ERCC6L2: variants seen among roughly 807,000 people sequenced by gnomAD.
ERCC6L2 encodes DNA excision repair protein ERCC-6-like 2.
In ERCC6L2, 77 loss-of-function variants were observed where a neutral mutation model predicts 132.0. The ratio of observed to expected loss-of-function variants is 0.58; its 90% CI spans 0.49 to 0.71. ERCC6L2 has a LOEUF of 0.71. Among genes scored for constraint, ERCC6L2 ranks in the 30% least tolerant of loss-of-function variants. The probability of loss-of-function intolerance (pLI) is 0.00; values close to 1 mark genes in which losing one functional copy is unlikely to be tolerated. For synonymous variants in ERCC6L2, 583 were observed against 632.4 expected (o/e 0.92, Z 1.17); for missense variants, 1,542 against 1,837.6 (o/e 0.84, Z 2.94).
chr9:95,970,073 G>A (rs1587998769), intron 14 of ERCC6L2, among the ~76,000 whole-genome samples: 1 of 152,020 alleles, frequency 6.6e-6, no homozygotes, highest in Non-Finnish European at 1.5e-5. Context: ...ATATTAGGGT[G>A]GACCTTTTCA....
In ERCC6L2 at chr9:95,886,615, A is replaced by G. The variant is rs377026117; in HGVS notation, c.471+5322A>G. On this transcript the variant is annotated intron_variant, in intron 2 of 18. Transcript: ENST00000653738. Reference sequence around the variant, plus strand: ...CATTTGTTCAATTGGTTGACATTTGATAAGTACTCACTCTGGGCCAGGCAC... The same window carrying G: ...CATTTGTTCAATTGGTTGACATTTGGTAAGTACTCACTCTGGGCCAGGCAC... 3.3e-5 allele frequency among the ~76,000 whole-genome samples: 5 copies of G among 152,318 alleles called. No individual in the cohort carries two copies. In the South Asian group the frequency reaches 8.3e-4, roughly 25 times the overall value.
At chr9:95,886,052 G>A (rs774145583) in intron 2 of ERCC6L2, among the ~76,000 whole-genome samples, 3 of 152,072 alleles carry the variant, frequency 2.0e-5, no homozygotes, top group Non-Finnish European at 2.9e-5. Flanking sequence ...GTCTCACTCT[G>A]GCATTCAGGG....
In ERCC6L2 at chr9:95,958,601, G is replaced by A. The variant is rs189632676; in HGVS notation, c.1947+2588G>A. Among the ~76,000 whole-genome samples the A allele has an allele frequency of 2.5e-3, 374 of 152,186 alleles. 2 individuals are homozygous for A. Among genetic ancestry groups the A allele is most frequent in the Non-Finnish European group, 4.3e-3 (294 of 68,008 alleles). On this transcript the variant is annotated intron_variant, in intron 13 of 18. Coordinates refer to ENST00000653738, the MANE Select transcript of ERCC6L2 (RefSeq NM_020207.7). ...TGGTTTTGATTTGCATTTCTCTGATGGCCAGTGATGGTGAGCATTTTTTCA... is the reference window on the plus strand; with the variant it reads ...TGGTTTTGATTTGCATTTCTCTGATAGCCAGTGATGGTGAGCATTTTTTCA...
chr9:96,003,820 T>C lies in ERCC6L2; in HGVS notation c.3493-700T>C, dbSNP rs528605070. On this transcript the variant is annotated intron_variant, in intron 17 of 18. Coordinates refer to ENST00000653738, the MANE Select transcript of ERCC6L2 (RefSeq NM_020207.7). ...TGTTATTGTTAAATTGTATTTAGTA[T>C]TTCTCTTTTTGGAATAGGATGAGGA... Among the ~76,000 whole-genome samples, 8 of 152,358 alleles carry C rather than the reference T, an allele frequency of 5.3e-5. No homozygotes were observed. In the East Asian group the frequency reaches 1.5e-3, roughly 29 times the overall value.
At chr9:95,993,434 C>T (rs1833368650) in intron 17 of ERCC6L2, among the ~76,000 whole-genome samples, 1 of 152,162 alleles carries the variant, frequency 6.6e-6, no homozygotes, top group African/African-American at 2.4e-5. Context: ...GCTATGGTCT[C>T]GCTTGGCCCT....
chr9:95,928,019 A>G (rs1373810226), intron 9 of ERCC6L2, 60 bp from the exon 10 acceptor site: 18 of 1,062,176 alleles, frequency 1.7e-5, no homozygotes, highest in Non-Finnish European at 2.5e-5. Context: ...TGATGTTTAT[A>G]TGTATAAAGT....
chr9:95,953,113 T>A (rs1035577227), intron 12 of ERCC6L2, among the ~76,000 whole-genome samples: 4 of 152,162 alleles, frequency 2.6e-5, no homozygotes, highest in African/African-American at 9.7e-5. Context: ...GTACAGAGTT[T>A]CAGTTTGGAA....
At chr9:95,884,212 A>G (rs1319380347) in intron 2 of ERCC6L2, among the ~76,000 whole-genome samples, 4 of 152,098 alleles carry the variant, frequency 2.6e-5, no homozygotes, top group Non-Finnish European at 5.9e-5. Context: ...TAATTTTGAT[A>G]CTCAGATGGA....
At chr9:96,019,830 A>G (rs572263493), downstream of ERCC6L2, 3 of 152,254 alleles carry the variant, frequency 2.0e-5, no homozygotes, top group Non-Finnish European at 4.4e-5. Flanking sequence ...AAGGGGGAAG[A>G]AAGGCACCTT....
intron 11 of ERCC6L2, among the ~76,000 whole-genome samples, chr9:95,934,991 G>A (rs1011636825): frequency 2.0e-5 from 3 of 152,098 alleles, no homozygotes; most frequent in African/African-American, 7.2e-5. Context: ...TATGCCTTTT[G>A]TTAAAATCTG....
intron 3 of ERCC6L2, among the ~76,000 whole-genome samples, chr9:95,903,572 T>A (rs1171713031): frequency 6.6e-6 from 1 of 152,122 alleles, no homozygotes; most frequent in Admixed American, 6.5e-5. Context: ...TGTAACTTTC[T>A]GTTTTGATAG....
At chr9:95,892,585 G>T (rs1828231266) in intron 2 of ERCC6L2, among the ~76,000 whole-genome samples, 1 of 151,950 alleles carries the variant, frequency 6.6e-6, no homozygotes, top group Non-Finnish European at 1.5e-5. Flanking sequence ...ACCACACCCA[G>T]CTAATTTTTG....
chr9:96,032,388 C>A (rs771235183), intron 19 of ERCC6L2, among the ~76,000 whole-genome samples: 6 of 152,216 alleles, frequency 3.9e-5, no homozygotes, highest in Non-Finnish European at 8.8e-5. Flanking sequence ...AGCCTCCTTG[C>A]GCCTCACCGT....
chr9:95,938,618 G>A (rs1289948992), intron 11 of ERCC6L2, among the ~76,000 whole-genome samples: 1 of 151,948 alleles, frequency 6.6e-6, no homozygotes, highest in Non-Finnish European at 1.5e-5. Flanking sequence ...CATATACTTG[G>A]ACTAATATTA....
At chr9:95,931,898 T>TC (rs1830355891) in intron 11 of ERCC6L2, among the ~76,000 whole-genome samples, 1 of 152,056 alleles carries the variant, frequency 6.6e-6, no homozygotes. Context: ...CAATGGCCTT[T>TC]TTTTTTTCTT....
intron 18 of ERCC6L2, among the ~76,000 whole-genome samples, chr9:96,008,465 C>T (rs1236036037): frequency 5.9e-5 from 9 of 152,120 alleles, no homozygotes; most frequent in African/African-American, 2.2e-4. Context: ...GATTAGGGAA[C>T]TTTGCAGGTG....
chr9:96,040,056 TA>T (rs71368224), intron 20 of ERCC6L2, among the ~76,000 whole-genome samples: 3 of 147,308 alleles, frequency 2.0e-5, no homozygotes, highest in African/African-American at 2.5e-5. Context: ...CATCTCTAAT[TA>T]AAAAAAAAAA....
At chr9:95,991,886 T>C (rs1430626233) in intron 17 of ERCC6L2, among the ~76,000 whole-genome samples, 1 of 152,196 alleles carries the variant, frequency 6.6e-6, no homozygotes, top group Non-Finnish European at 1.5e-5. Flanking sequence ...AATATAAAAA[T>C]TTTACTGAAA....
intron 20 of ERCC6L2, among the ~76,000 whole-genome samples, chr9:96,040,087 G>A (rs887374463): frequency 4.0e-5 from 6 of 151,624 alleles, no homozygotes; most frequent in African/African-American, 1.2e-4. Context: ...CTTATCTAGA[G>A]GAGAAACAGA....
Sources: allele counts gnomAD v4.1 joint callset (sites outside exome capture counted in the v4.1 genomes callset), GRCh38; gene constraint gnomAD v4.1.1; transcripts MANE v1.5; gene names NCBI Gene and HGNC (gene_info 2026-07-23, HGNC 2026-07-21).